Variants in PRELID2 observed in about 807,000 individuals in gnomAD.
PRELID2 encodes the protein PRELI domain containing 2, also known as PRELI domain-containing protein 2.
PRELID2 carries 25 observed loss-of-function variants against 28.4 expected under a neutral mutation model. That is an observed-to-expected ratio of 0.88 (90% CI 0.64 to 1.23). PRELID2 has a LOEUF of 1.23. PRELID2 is among the 50% of genes most tolerant of loss of function. The pLI is 0.00. For missense variants in PRELID2, 201 were observed against 214.4 expected, an observed-to-expected ratio of 0.94 and a Z score of 0.39; for synonymous variants, 76 against 71.6, an observed-to-expected ratio of 1.06 and a Z score of -0.31.
At chr5:145,282,127 T>C in the PRELID2 span, among the ~76,000 whole-genome samples, 1 of 152,220 alleles carries the variant, frequency 6.6e-6, no homozygotes, top group Non-Finnish European at 1.5e-5. Flanking sequence ...TAGTATATTG[T>C]CTGCTTTAAG....
intron 5 of PRELID2, among the ~76,000 whole-genome samples, chr5:145,776,533 G>C (rs994901851): frequency 1.3e-5 from 2 of 152,192 alleles, no homozygotes; most frequent in Non-Finnish European, 1.5e-5. Context: ...TTCTATCCAT[G>C]AAACTGTGAA....
chr5:145,652,699 C>T (rs954508138), intron 1 of PRELID2, among the ~76,000 whole-genome samples: 9 of 152,142 alleles, frequency 5.9e-5, no homozygotes, highest in African/African-American at 2.2e-4. Context: ...CAAGCAAATG[C>T]TGAGAGATTT....
At chr5:145,510,360 T>C (rs1752450545) in intron 1 of PRELID2, among the ~76,000 whole-genome samples, 1 of 152,208 alleles carries the variant, frequency 6.6e-6, no homozygotes, top group Non-Finnish European at 1.5e-5. Flanking sequence ...GACATTGTTT[T>C]TTAATGGGAC....
At chr5:145,297,257 A>G in the PRELID2 span, among the ~76,000 whole-genome samples, 1 of 152,004 alleles carries the variant, frequency 6.6e-6, no homozygotes, top group Non-Finnish European at 1.5e-5. Flanking sequence ...TTAGACATGA[A>G]GTCCTTGCCC....
intron 1 of PRELID2, among the ~76,000 whole-genome samples, chr5:145,627,352 A>G (rs1381150624): frequency 2.0e-5 from 3 of 152,044 alleles, no homozygotes; most frequent in Non-Finnish European, 4.4e-5. Context: ...TGGACATGGG[A>G]AACTTCAAAA....
At chr5:145,575,192 C>A (rs57226270) in intron 1 of PRELID2, among the ~76,000 whole-genome samples, 29,330 of 151,978 alleles carry the variant, frequency 0.19, 5,025 homozygotes, top group African/African-American at 0.45. Context: ...GGTTTGTCTG[C>A]CTCAAAAACC....
At chr5:145,484,637 C>T (rs1276432907) in intron 1 of PRELID2, among the ~76,000 whole-genome samples, 1 of 152,154 alleles carries the variant, frequency 6.6e-6, no homozygotes, top group Non-Finnish European at 1.5e-5. Flanking sequence ...ACACTTCTAC[C>T]TTTCTTCACT....
At chr5:145,497,373 T>C (rs906628706) in intron 1 of PRELID2, among the ~76,000 whole-genome samples, 23 of 152,024 alleles carry the variant, frequency 1.5e-4, no homozygotes, top group African/African-American at 5.6e-4. Flanking sequence ...TATGGCTATA[T>C]GTCTTTATTA....
At chr5:145,318,292 T>C in the PRELID2 span, among the ~76,000 whole-genome samples, 1 of 149,282 alleles carries the variant, frequency 6.7e-6, no homozygotes, top group Non-Finnish European at 1.5e-5. Context: ...CATTGTTGTC[T>C]ATGTCAGCCA....
intron 1 of PRELID2, among the ~76,000 whole-genome samples, chr5:145,559,650 G>A (rs975220035): frequency 4.6e-5 from 7 of 152,002 alleles, no homozygotes; most frequent in African/African-American, 1.2e-4. Flanking sequence ...GCTCTAGCAC[G>A]AGTGCCCAGC....
At chr5:145,525,285 G>C (rs1393767369) in intron 1 of PRELID2, among the ~76,000 whole-genome samples, 1 of 152,108 alleles carries the variant, frequency 6.6e-6, no homozygotes, top group Non-Finnish European at 1.5e-5. Context: ...CCTTTGCAAA[G>C]TTTCTCCTTG....
chr5:145,654,327 T>C (rs1170315245), intron 1 of PRELID2, among the ~76,000 whole-genome samples: 1 of 151,762 alleles, frequency 6.6e-6, no homozygotes, highest in African/African-American at 2.4e-5. Flanking sequence ...GTACAAGGAG[T>C]AGCTGGTACC....
downstream of PRELID2, among the ~76,000 whole-genome samples, chr5:145,752,383 T>C (rs1226970184): frequency 6.6e-6 from 1 of 152,190 alleles, no homozygotes; most frequent in African/African-American, 2.4e-5. Flanking sequence ...TTTAATGCAA[T>C]CGGAAACCAT....
the PRELID2 span, among the ~76,000 whole-genome samples, chr5:145,245,759 C>T: frequency 3.3e-5 from 5 of 152,044 alleles, no homozygotes; most frequent in Non-Finnish European, 5.9e-5. Flanking sequence ...TGGAATGAGA[C>T]CCCGTATTAG....
At chr5:145,475,287 G>T (rs1394492554) in intron 1 of PRELID2, among the ~76,000 whole-genome samples, 2 of 152,144 alleles carry the variant, frequency 1.3e-5, no homozygotes. Context: ...ACTCTTCCCA[G>T]TTGCTTTATT....
At chr5:145,305,424 C>T in the PRELID2 span, among the ~76,000 whole-genome samples, 1 of 152,184 alleles carries the variant, frequency 6.6e-6, no homozygotes, top group African/African-American at 2.4e-5. Context: ...GCCCTTCCTA[C>T]CCTAAGGAGA....
intron 5 of PRELID2, among the ~76,000 whole-genome samples, chr5:145,794,625 T>G (rs1049201505): frequency 6.6e-6 from 1 of 152,124 alleles, no homozygotes; most frequent in African/African-American, 2.4e-5. Context: ...TATATATCTG[T>G]AAGAGGAAGG....
intron 1 of PRELID2, among the ~76,000 whole-genome samples, chr5:145,652,519 A>G (rs1754316085): frequency 6.6e-6 from 1 of 152,260 alleles, no homozygotes; most frequent in African/African-American, 2.4e-5. Flanking sequence ...GGTTACCCAC[A>G]AGGGGAAGCC....
intron 1 of PRELID2, among the ~76,000 whole-genome samples, chr5:145,542,885 G>A (rs1184195829): frequency 6.6e-6 from 1 of 151,148 alleles, no homozygotes; most frequent in Non-Finnish European, 1.5e-5. Flanking sequence ...CTGTATTGGT[G>A]GTATGCATCC....
Sources: allele counts gnomAD v4.1 joint callset (sites outside exome capture counted in the v4.1 genomes callset), GRCh38; gene constraint gnomAD v4.1.1; transcripts MANE v1.5; gene names NCBI Gene and HGNC (gene_info 2026-07-23, HGNC 2026-07-21).